L3MBTL4: variants seen among roughly 807,000 people sequenced by gnomAD.
The protein encoded by L3MBTL4 is lethal(3)malignant brain tumor-like protein 4.
L3MBTL4 carries 70 observed loss-of-function variants against 84.5 expected under a neutral mutation model. The observed-to-expected ratio is 0.83, with a 90% CI of 0.68 to 1.01. L3MBTL4 has a LOEUF of 1.01. Among genes scored for constraint, L3MBTL4 ranks in the 50% least tolerant of loss-of-function variants. The pLI, the probability that L3MBTL4 is intolerant of heterozygous loss-of-function variation, is 0.00. For missense variants in L3MBTL4, 715 were observed against 754.8 expected (o/e 0.95, Z 0.62); for synonymous variants, 274 against 259.8 (o/e 1.05, Z -0.52).
At position 6,237,987 on chromosome 18, in the gene L3MBTL4, C is replaced by A. The variant is rs772829089; in HGVS notation, c.761G>T (p.Gly254Val). 3 of 1,614,002 alleles carry A rather than the reference C, an allele frequency of 1.9e-6. No homozygotes were observed. The highest frequency in any genetic ancestry group is 2.5e-6 in the Non-Finnish European group (3 of 1,179,990). The change falls in exon 10 of 19, where the codon GGA becomes GTA. Residue 254 changes from glycine to valine, a missense_variant. By Grantham distance (109) the Gly-to-Val change is moderately radical. Coordinates refer to ENST00000317931, the MANE Select transcript of L3MBTL4 (RefSeq NM_001330559.2). ...VQPVGWCQEN[G>V]RTLIAPQGYP... ...ACCTTGGGGTGCTATCAGAGTTCTTCCATTCTCCTGACACCAACCAACTGG... is the reference window on the plus strand; with the variant it reads ...ACCTTGGGGTGCTATCAGAGTTCTTACATTCTCCTGACACCAACCAACTGG...
chr18:5,976,987 T>C (rs2052966585), intron 16 of L3MBTL4, among the ~76,000 whole-genome samples: 1 of 152,070 alleles, frequency 6.6e-6, no homozygotes, highest in African/African-American at 2.4e-5. Flanking sequence ...GTCTCTGGAC[T>C]CCGGAGGGCA....
At position 6,056,462 on chromosome 18, in the gene L3MBTL4, C is replaced by T. The variant is rs75450334; in HGVS notation, c.1444+24419G>A. Among the ~76,000 whole-genome samples, 13 of 152,308 alleles carry T rather than the reference C, an allele frequency of 8.5e-5. No individual in the cohort carries two copies. The East Asian group carries it at 2.3e-3, about 27-fold the overall frequency. On this transcript the variant is annotated intron_variant, in intron 16 of 18. Transcript: ENST00000317931. ...AGGCTCCCTCTGAAGTGTTATTAGCCTACTTCCAATGAATTTATGGAGAAA... is the reference window on the plus strand; with the variant it reads ...AGGCTCCCTCTGAAGTGTTATTAGCTTACTTCCAATGAATTTATGGAGAAA...
intron 1 of L3MBTL4, among the ~76,000 whole-genome samples, chr18:6,336,201 G>A (rs1009393176): frequency 2.0e-5 from 3 of 151,950 alleles, no homozygotes; most frequent in Admixed American, 1.3e-4. Flanking sequence ...AAAGGCATTG[G>A]AGAGCTATGA....
intron 5 of L3MBTL4, among the ~76,000 whole-genome samples, chr18:6,250,267 C>T (rs1345985437): frequency 2.0e-5 from 3 of 152,076 alleles, no homozygotes; most frequent in Non-Finnish European, 4.4e-5. Flanking sequence ...GTAAAATGGG[C>T]CATAACATGA....
At position 6,094,619 on chromosome 18, in the gene L3MBTL4, C is replaced by T. The variant is rs1013860515; in HGVS notation, c.1200-1091G>A. ...CCTACTCACTATGAATTTGCTGATA[C>T]ATAGTACAAAGTAAATCCATTCTGA... is the stretch of plus-strand genomic sequence containing the variant. On this transcript the variant is annotated intron_variant, in intron 14 of 18. Transcript: ENST00000317931. 1.2e-4 allele frequency among the ~76,000 whole-genome samples: 19 copies of T among 152,258 alleles called. No homozygotes were observed. In the East Asian group the frequency reaches 1.5e-3, roughly 12 times the overall value.
intron 14 of L3MBTL4, among the ~76,000 whole-genome samples, chr18:6,115,084 A>G (rs200055288): frequency 5.1e-5 from 4 of 77,908 alleles, no homozygotes; most frequent in Non-Finnish European, 1.0e-4. Flanking sequence ...CAGAGAAGCA[A>G]GCTCATTTTG....
chr18:6,328,475 A>T (rs2051844376), intron 1 of L3MBTL4, among the ~76,000 whole-genome samples: 1 of 152,218 alleles, frequency 6.6e-6, no homozygotes, highest in African/African-American at 2.4e-5. Flanking sequence ...ACCACTAAGC[A>T]CTGTTCAAAT....
rs572951755 is a variant in L3MBTL4, at chr18:6,037,052, C to T, written c.1444+43829G>A. Among the ~76,000 whole-genome samples the T allele has an allele frequency of 1.9e-3, 295 of 152,298 alleles. 3 individuals carry two copies. The highest frequency in any genetic ancestry group is 6.8e-3 in the Middle Eastern group (2 of 294). On this transcript the variant is annotated intron_variant, in intron 16 of 18. Transcript: ENST00000317931. ...GAGTCACTTCAGTTGGTGGGGCTTG[C>T]AACAATGCGGGGAGATGTGACAACA...
intron 18 of L3MBTL4, among the ~76,000 whole-genome samples, chr18:5,958,121 G>C (rs868107396): frequency 4.8e-4 from 27 of 56,760 alleles, no homozygotes; most frequent in South Asian, 1.5e-3. Context: ...AGAAGAAGAA[G>C]AAGAAGAAAA....
chr18:6,076,411 A>G (rs1359049713), intron 16 of L3MBTL4, among the ~76,000 whole-genome samples: 1 of 152,202 alleles, frequency 6.6e-6, no homozygotes, highest in Middle Eastern at 3.2e-3. Context: ...AGTAACTGAG[A>G]GTGAGCAAAA....
chr18:6,261,486 T>A (rs967661468), intron 5 of L3MBTL4, among the ~76,000 whole-genome samples: 2 of 152,144 alleles, frequency 1.3e-5, no homozygotes, highest in African/African-American at 4.8e-5. Flanking sequence ...TCTCCAACTC[T>A]CTCCACCCTG....
chr18:6,003,667 T>C (rs2054327675), intron 16 of L3MBTL4, among the ~76,000 whole-genome samples: 5 of 152,060 alleles, frequency 3.3e-5, no homozygotes, highest in Admixed American at 3.3e-4. Flanking sequence ...CATGTTTCAA[T>C]AGATTGAAAA....
At chr18:6,048,645 C>T (rs1198181568) in intron 16 of L3MBTL4, among the ~76,000 whole-genome samples, 9 of 151,870 alleles carry the variant, frequency 5.9e-5, no homozygotes, top group South Asian at 2.1e-4. Flanking sequence ...AAAAATTAGC[C>T]GGGTGTGGTG....
chr18:6,080,812 G>A, intron 16 of L3MBTL4, 69 bp downstream of exon 16: 3 of 1,165,496 alleles, frequency 2.6e-6, no homozygotes, highest in East Asian at 2.5e-5. Context: ...AAACCAAACA[G>A]TCAAACAAAT....
At chr18:6,393,781 C>T (rs1420583810) in intron 1 of L3MBTL4, among the ~76,000 whole-genome samples, 3 of 152,316 alleles carry the variant, frequency 2.0e-5, no homozygotes, top group South Asian at 2.1e-4. Flanking sequence ...GCCTCTCCAG[C>T]AGGCTCTTGG....
chr18:6,268,907 T>C (rs186145582), intron 4 of L3MBTL4, among the ~76,000 whole-genome samples: 1 of 152,312 alleles, frequency 6.6e-6, no homozygotes, highest in Admixed American at 6.5e-5. Flanking sequence ...ATTAGATTAA[T>C]AGCCCTATTT....
intron 1 of L3MBTL4, among the ~76,000 whole-genome samples, chr18:6,358,629 T>C (rs2053548384): frequency 6.6e-6 from 1 of 152,222 alleles, no homozygotes; most frequent in Non-Finnish European, 1.5e-5. Context: ...CCCACCTTCC[T>C]GTGCTCCTCA....
At chr18:6,215,603 T>C (rs1230667979) in intron 11 of L3MBTL4, 147 bp downstream of exon 11, 2 of 463,036 alleles carry the variant, frequency 4.3e-6, no homozygotes, top group Admixed American at 7.8e-5. Flanking sequence ...ACTTTGTATT[T>C]TTAACTAAAA....
At chr18:6,259,525 T>G (rs547934178) in intron 5 of L3MBTL4, 3 of 152,578 alleles carry the variant, frequency 2.0e-5, no homozygotes, top group Admixed American at 6.5e-5. Flanking sequence ...TTTTGAGAAG[T>G]GTCTGTTCAT....
Sources: gnomAD v4.1 joint callset for allele counts (sites outside exome capture counted in the v4.1 genomes callset) on GRCh38, gnomAD v4.1.1 for gene constraint, MANE v1.5 for transcripts, NCBI Gene and HGNC (gene_info 2026-07-23, HGNC 2026-07-21) for gene names.